Variants in CFAP92 observed in about 807,000 individuals in gnomAD.
The protein encoded by CFAP92 is cilia and flagella associated protein 92 (putative).
CFAP92 carries 86 observed loss-of-function variants against 106.3 expected under a neutral mutation model. The ratio of observed to expected loss-of-function variants is 0.81; its 90% CI spans 0.68 to 0.97. The LOEUF is 0.97. Among genes scored for constraint, CFAP92 ranks in the 50% least tolerant of loss-of-function variants. The pLI, the probability that CFAP92 is intolerant of heterozygous loss-of-function variation, is 0.00. For missense variants in CFAP92, 1,204 were observed against 1,283.8 expected, an observed-to-expected ratio of 0.94 and a Z score of 0.95; for synonymous variants, 477 against 506.4, an observed-to-expected ratio of 0.94 and a Z score of 0.78.
rs35117405 is a variant in CFAP92 at position 128,952,136 on chromosome 3, CT to C, written c.1354-6162del. Among the ~76,000 whole-genome samples, 1,016 of 139,186 alleles carry C rather than the reference CT, an allele frequency of 7.3e-3. 10 individuals carry two copies. The highest frequency in any genetic ancestry group is 0.028 in the Admixed American group (396 of 13,922). 91.3% of individuals were successfully genotyped at this position (139,186 alleles called of 152,430 possible). A position where few individuals can be genotyped will look rare whatever the true frequency, so the allele number is the denominator to read the frequency against. On this transcript the variant is annotated intron_variant, in intron 9 of 15. Transcript: ENST00000645291. Reference sequence around the variant, plus strand: ...TTTTCTTTCTTTTCTTCTTCTTCTTCTTTTTTTTTTTTTTGAGAGACAGGGT... The same window carrying C: ...TTTTCTTTCTTTTCTTCTTCTTCTTCTTTTTTTTTTTTTGAGAGACAGGGT...
chr3:128,960,941 G>C (rs984915515), intron 9 of CFAP92, among the ~76,000 whole-genome samples: 2 of 152,146 alleles, frequency 1.3e-5, no homozygotes, highest in African/African-American at 4.8e-5. Flanking sequence ...CCTTCCCTCC[G>C]GGTCTCTATG....
chr3:128,932,404 A>AG (rs1425330097), intron 12 of CFAP92, among the ~76,000 whole-genome samples: 3 of 143,380 alleles, frequency 2.1e-5, no homozygotes, highest in African/African-American at 8.2e-5. Context: ...CACATGCCAC[A>AG]GTTCTTTCTC....
chr3:129,012,802 C>T, the CFAP92 span, among the ~76,000 whole-genome samples: 4 of 152,184 alleles, frequency 2.6e-5, no homozygotes, highest in African/African-American at 9.7e-5. Flanking sequence ...TGAACTTCCC[C>T]TTAGAAGTGA....
intron 4 of CFAP92, among the ~76,000 whole-genome samples, chr3:128,983,634 GA>G (rs1943663210): frequency 6.6e-6 from 1 of 152,088 alleles, no homozygotes; most frequent in East Asian, 1.9e-4. Flanking sequence ...GAAAGAAGTG[GA>G]AAAAAGGAGG....
chr3:128,909,994 C>A lies in CFAP92; in HGVS notation c.*305G>T. ...TGGGGGACTGGTCTAGGTAGTGAGT[C>A]CCCACTTGGAGCCTCTGTGATCCCA... On this transcript the variant is annotated 3_prime_UTR_variant, in exon 16 of 16. Transcript: ENST00000645291. The A allele has an allele frequency of 1.2e-6, 2 of 1,611,640 alleles. No homozygotes were observed. Among genetic ancestry groups the A allele is most frequent in the South Asian group, 1.1e-5 (1 of 90,176 alleles).
intron 4 of CFAP92, among the ~76,000 whole-genome samples, chr3:128,985,248 C>T (rs531830861): frequency 1.1e-4 from 16 of 152,214 alleles, no homozygotes; most frequent in Non-Finnish European, 1.9e-4. Context: ...TGCTTAAGAC[C>T]AGGAGTTAGA....
At chr3:129,010,856 C>T in the CFAP92 span, among the ~76,000 whole-genome samples, 8 of 152,204 alleles carry the variant, frequency 5.3e-5, no homozygotes, top group African/African-American at 1.9e-4. The surrounding 1 kb of genome is among the most constrained non-coding windows in gnomAD (Gnocchi z 4.3). Flanking sequence ...CAGGCACCCA[C>T]TGCATGCCCC....
At chr3:128,914,976 A>G in intron 15 of CFAP92, 143 bp downstream of exon 15, 1 of 774,492 alleles carries the variant, frequency 1.3e-6, no homozygotes, top group South Asian at 1.9e-5. Flanking sequence ...TTTCAGACCC[A>G]TTCTGCATCT....
chr3:128,964,433 G>A lies in CFAP92; in HGVS notation c.1353+1078C>T, dbSNP rs1254534940. Reference sequence around the variant, plus strand: ...TTGTCTAGTCATACTCCTATTCACCGTTCTCAACTACTCATACGTGCCCTG... The same window carrying A: ...TTGTCTAGTCATACTCCTATTCACCATTCTCAACTACTCATACGTGCCCTG... On this transcript the variant is annotated intron_variant, in intron 9 of 15. Coordinates refer to ENST00000645291, the MANE Select transcript of CFAP92 (RefSeq NM_001394090.1). Among the ~76,000 whole-genome samples, 4 of 152,192 alleles carry A rather than the reference G, an allele frequency of 2.6e-5. No homozygotes were observed. The South Asian group carries it at 6.2e-4, about 24-fold the overall frequency.
intron 9 of CFAP92, among the ~76,000 whole-genome samples, chr3:128,950,360 GCT>G (rs1940661701): frequency 1.3e-5 from 2 of 152,236 alleles, no homozygotes; most frequent in African/African-American, 4.8e-5. Context: ...TTAGGTCTGT[GCT>G]CTCTCAGCCA....
chr3:128,927,759 T>G (rs1937850426), intron 12 of CFAP92, among the ~76,000 whole-genome samples: 1 of 151,930 alleles, frequency 6.6e-6, no homozygotes, highest in Non-Finnish European at 1.5e-5. Context: ...ATTTCTATAT[T>G]ATGGAAACAA....
At chr3:128,912,051 A>G (rs1936382431) in intron 15 of CFAP92, among the ~76,000 whole-genome samples, 3 of 152,136 alleles carry the variant, frequency 2.0e-5, no homozygotes, top group African/African-American at 7.2e-5. Flanking sequence ...TGTCCCCACA[A>G]AGCCCAGTCG....
At chr3:129,022,439 A>G in the CFAP92 span, among the ~76,000 whole-genome samples, 1 of 152,346 alleles carries the variant, frequency 6.6e-6, no homozygotes, top group South Asian at 2.1e-4. Context: ...ATCTGGAGCC[A>G]GGAGCCAGGA....
At chr3:128,922,038 C>T (rs1295065693) in intron 12 of CFAP92, among the ~76,000 whole-genome samples, 2 of 151,970 alleles carry the variant, frequency 1.3e-5, no homozygotes, top group African/African-American at 2.4e-5. Context: ...TCTGATTATA[C>T]CGGAGAAATT....
At chr3:128,995,345 G>A (rs1170468078), upstream of CFAP92, among the ~76,000 whole-genome samples, 2 of 152,164 alleles carry the variant, frequency 1.3e-5, no homozygotes, top group Non-Finnish European at 2.9e-5. Flanking sequence ...TGTTAGGGAA[G>A]ACACCAAATG....
At chr3:128,917,244 T>C (rs1936893115) in intron 12 of CFAP92, among the ~76,000 whole-genome samples, 1 of 152,144 alleles carries the variant, frequency 6.6e-6, no homozygotes, top group African/African-American at 2.4e-5. Flanking sequence ...ATGTGTCCAG[T>C]TTTTCTAGTT....
intron 9 of CFAP92, among the ~76,000 whole-genome samples, chr3:128,953,615 C>T (rs1380606667): frequency 3.9e-5 from 5 of 129,462 alleles, no homozygotes; most frequent in Non-Finnish European, 7.8e-5. Context: ...CTCCCTCTCC[C>T]TCTCCCTCCC....
At chr3:128,978,225 T>C in intron 4 of CFAP92, 40 bp from the exon 5 acceptor site, 1 of 1,591,026 alleles carries the variant, frequency 6.3e-7, no homozygotes, top group Non-Finnish European at 8.6e-7. Context: ...ACTCAATCAA[T>C]CCAAAATATT....
rs1420326734 is a variant in CFAP92 at position 128,954,925 on chromosome 3, G to A, written c.1354-8950C>T. Among the ~76,000 whole-genome samples, 4 of 25,216 alleles carry A rather than the reference G, an allele frequency of 1.6e-4. 1 individual carries two copies. The highest frequency in any genetic ancestry group is 2.4e-4 in the Non-Finnish European group (4 of 16,776). 16.5% of individuals were successfully genotyped at this position (25,216 alleles called of 152,430 possible). On this transcript the variant is annotated intron_variant, in intron 9 of 15. Transcript: ENST00000645291. The stretch of plus-strand genomic sequence containing the variant: ...CGTCCGGGAGGGAGGTGGGGGTGTC[G>A]GCCCCCCGCCCGGCCAGCCGCCCCG...
Sources: gnomAD v4.1 joint callset for allele counts (sites outside exome capture counted in the v4.1 genomes callset) on GRCh38, gnomAD v4.1.1 for gene constraint, Gnocchi (gnomAD v3.1) non-coding constraint, MANE v1.5 for transcripts, NCBI Gene and HGNC (gene_info 2026-07-23, HGNC 2026-07-21) for gene names.